The following BIRC6 variants were observed in gnomAD, a reference collection of about 807,000 sequenced individuals.
BIRC6 encodes baculoviral IAP repeat containing 6.
A neutral mutation model predicts 503.3 loss-of-function variants in BIRC6; 98 were observed. The observed-to-expected ratio is 0.19, with a 90% CI of 0.17 to 0.23. The LOEUF (loss-of-function observed/expected upper bound fraction) is 0.23. BIRC6 is among the 10% of genes least tolerant of loss of function. The pLI, the probability that BIRC6 is intolerant of heterozygous loss-of-function variation, is 1.00. For missense variants in BIRC6, 5,360 were observed against 5,806.0 expected (o/e 0.92, Z 2.50); for synonymous variants, 2,240 against 2,078.7 (o/e 1.08, Z -2.11).
At chr2:32,429,637 A>G (rs2043884140) in intron 11 of BIRC6, among the ~76,000 whole-genome samples, 1 of 152,136 alleles carries the variant, frequency 6.6e-6, no homozygotes. Flanking sequence ...ATATTCACAC[A>G]TACGTTGCCC....
intron 52 of BIRC6, 50 bp from the exon 53 acceptor site, chr2:32,510,476 G>T: frequency 9.2e-7 from 1 of 1,082,190 alleles, no homozygotes; most frequent in South Asian, 1.3e-5. Flanking sequence ...ATCTTCCCAT[G>T]GTTAACTTGC....
chr2:32,455,001 T>C (rs1200063351), intron 23 of BIRC6, among the ~76,000 whole-genome samples: 1 of 152,184 alleles, frequency 6.6e-6, no homozygotes, highest in Admixed American at 6.5e-5. Context: ...TACACTAGAA[T>C]AGAAACATGC....
chr2:32,495,159 G>T (rs2052290587), intron 45 of BIRC6, among the ~76,000 whole-genome samples: 1 of 152,152 alleles, frequency 6.6e-6, no homozygotes. Context: ...TCACAACAGT[G>T]AAGATTTTCA....
chr2:32,499,248 A>C (rs557072568), intron 45 of BIRC6, among the ~76,000 whole-genome samples: 156 of 152,346 alleles, frequency 1.0e-3, no homozygotes, highest in Non-Finnish European at 1.7e-3. Context: ...GTGATTTTGA[A>C]GTATTTTTGT....
chr2:32,364,728 A>G (rs904796104), intron 1 of BIRC6, among the ~76,000 whole-genome samples: 2 of 147,760 alleles, frequency 1.4e-5, no homozygotes, highest in African/African-American at 2.5e-5. Context: ...TTTGTACTTT[A>G]CTGTAGCTTC....
At chr2:32,440,753 T>C (rs762196267) in intron 16 of BIRC6, among the ~76,000 whole-genome samples, 2 of 146,314 alleles carry the variant, frequency 1.4e-5, no homozygotes, top group Non-Finnish European at 3.0e-5. Context: ...TTTATTTATT[T>C]ATTATTATTA....
intron 25 of BIRC6, 116 bp downstream of exon 25, chr2:32,464,939 T>C: frequency 2.2e-6 from 3 of 1,378,720 alleles, no homozygotes; most frequent in Non-Finnish European, 2.9e-6. Flanking sequence ...TTATTTTCTT[T>C]TATAAAATAT....
chr2:32,391,647 T>C (rs1203776358), intron 4 of BIRC6, among the ~76,000 whole-genome samples: 3 of 152,252 alleles, frequency 2.0e-5, no homozygotes, highest in African/African-American at 7.2e-5. Context: ...TATGTTAGGA[T>C]GAATAAGCTT....
chr2:32,416,690 A>G (rs1053141714), intron 10 of BIRC6, among the ~76,000 whole-genome samples: 1 of 152,016 alleles, frequency 6.6e-6, no homozygotes, highest in Non-Finnish European at 1.5e-5. Context: ...CTAGTAGTGA[A>G]TTAGTTTTGC....
intron 56 of BIRC6, 123 bp downstream of exon 56, chr2:32,518,520 T>C: frequency 9.8e-7 from 1 of 1,021,924 alleles, no homozygotes; most frequent in Admixed American, 2.9e-5. Flanking sequence ...GCACAGCCTT[T>C]ATACCTAATG....
At chr2:32,517,820 G>A (rs2055220884) in intron 55 of BIRC6, among the ~76,000 whole-genome samples, 1 of 152,046 alleles carries the variant, frequency 6.6e-6, no homozygotes, top group Non-Finnish European at 1.5e-5. Context: ...GGGCTCAAAT[G>A]ATCTCTTCTC....
rs141023338 is a variant in BIRC6 at position 32,388,763 on chromosome 2, C to T, written c.659C>T (p.Thr220Ile). The T allele has an allele frequency of 6.4e-5, 102 of 1,600,894 alleles. No homozygotes were observed. In the Middle Eastern group the frequency reaches 1.3e-3, roughly 21 times the overall value. The change falls in exon 4 of 74, where the codon ACA (threonine) becomes ATA (isoleucine). Residue 220 changes from threonine (T) to isoleucine (I), a missense_variant. Thr to Ile is a moderately conservative substitution (Grantham distance 89). This residue lies in a region of BIRC6 where 134 missense variants were observed against 150.9 expected (regional missense o/e 0.89). Transcript: ENST00000421745. ...NHKVAKWATV[T>I]FHLPHHVLKS... The stretch of plus-strand genomic sequence containing the variant: ...ATTTTCTTTCAGTGGGCCACAGTTA[C>T]ATTTCATCTTCCTCATCATGTGTTG...
chr2:32,466,498 G>A (rs1254648654), intron 26 of BIRC6, among the ~76,000 whole-genome samples: 1 of 152,158 alleles, frequency 6.6e-6, no homozygotes, highest in Non-Finnish European at 1.5e-5. Context: ...TTGTAGTCCT[G>A]CTTTCACTTT....
intron 1 of BIRC6, among the ~76,000 whole-genome samples, chr2:32,367,501 C>G (rs1435654832): frequency 6.6e-6 from 1 of 151,768 alleles, no homozygotes; most frequent in South Asian, 2.1e-4. Context: ...ACAAAACAGT[C>G]TGTGGCTGGG....
At chr2:32,513,781 T>C (rs2054697808) in intron 54 of BIRC6, among the ~76,000 whole-genome samples, 4 of 152,104 alleles carry the variant, frequency 2.6e-5, no homozygotes, top group African/African-American at 9.7e-5. Flanking sequence ...TGGTGGCGCG[T>C]GTCTGTAATC....
intron 8 of BIRC6, among the ~76,000 whole-genome samples, chr2:32,405,301 C>G (rs1003157661): frequency 7.2e-5 from 11 of 152,088 alleles, no homozygotes; most frequent in Admixed American, 6.5e-4. Context: ...TGATTTTAAA[C>G]TTTTTTTGCA....
chr2:32,481,572 C>G lies in BIRC6; in HGVS notation c.7542+119C>G, dbSNP rs943488540. The G allele has an allele frequency of 5.2e-6, 4 of 765,824 alleles. No homozygotes were observed. The African/African-American group carries it at 5.5e-5, about 10-fold the overall frequency. 47.4% of individuals were successfully genotyped at this position (765,824 alleles called of 1,614,324 possible). A position where few individuals can be genotyped will look rare whatever the true frequency, so the allele number is the denominator to read the frequency against. On this transcript the variant is annotated intron_variant, in intron 38 of 73. Coordinates refer to ENST00000421745, the MANE Select transcript of BIRC6 (RefSeq NM_016252.4). ...ACAAGGTCAAGAGATCAAGACCATC[C>G]TGGCCAACATAGTGAAATCCCGTCT...
chr2:32,565,269 A>T (rs889412572), intron 65 of BIRC6: 23 of 152,246 alleles, frequency 1.5e-4, no homozygotes, highest in Non-Finnish European at 2.9e-5. Context: ...CTATCTTGAT[A>T]TTGGGTAGAA....
chr2:32,598,139 T>G (rs1467042029), intron 69 of BIRC6, among the ~76,000 whole-genome samples, 171 bp downstream of exon 69: 1 of 63,202 alleles, frequency 1.6e-5, no homozygotes, highest in South Asian at 5.6e-4. Context: ...CCTCCCCCCC[T>G]TTTTTTTTTG....
Sources: allele counts gnomAD v4.1 joint callset (sites outside exome capture counted in the v4.1 genomes callset), GRCh38; gene constraint gnomAD v4.1.1; regional missense constraint gnomAD v4.1.1; transcripts MANE v1.5; gene names NCBI Gene and HGNC (gene_info 2026-07-23, HGNC 2026-07-21).